WWTR1: variants seen among roughly 807,000 people sequenced by gnomAD.
WWTR1 encodes WW domain-containing transcription regulator protein 1.
WWTR1 carries 13 observed loss-of-function variants against 40.1 expected under a neutral mutation model. The ratio of observed to expected loss-of-function variants is 0.32; its 90% CI spans 0.21 to 0.52. The LOEUF (loss-of-function observed/expected upper bound fraction) is 0.52. WWTR1 is among the 20% of genes least tolerant of loss of function. The pLI is 0.97. For missense variants in WWTR1, 436 were observed against 523.1 expected, an observed-to-expected ratio of 0.83 and a Z score of 1.63; for synonymous variants, 230 against 210.1, an observed-to-expected ratio of 1.09 and a Z score of -0.82.
chr3:149,549,159 A>G (rs1013322549), intron 3 of WWTR1, among the ~76,000 whole-genome samples: 6 of 152,232 alleles, frequency 3.9e-5, no homozygotes, highest in African/African-American at 1.4e-4. Context: ...GGGAGGCAAC[A>G]TAACTGCAAA....
intron 2 of WWTR1, among the ~76,000 whole-genome samples, chr3:149,652,447 C>A (rs1712935754): frequency 6.7e-6 from 1 of 150,092 alleles, no homozygotes; most frequent in African/African-American, 2.4e-5. Context: ...CATAGGAAAC[C>A]CTGTCTCTAC....
chr3:149,632,569 T>C (rs1023693758), intron 2 of WWTR1, among the ~76,000 whole-genome samples: 7 of 152,238 alleles, frequency 4.6e-5, no homozygotes, highest in African/African-American at 1.4e-4. Flanking sequence ...GAAACTGCTG[T>C]TGGCAACTGT....
chr3:149,581,955 C>G (rs1462779345), intron 2 of WWTR1, among the ~76,000 whole-genome samples: 1 of 152,014 alleles, frequency 6.6e-6, no homozygotes, highest in Non-Finnish European at 1.5e-5. Context: ...GCAGATGAGC[C>G]AAATCAGGAC....
chr3:149,547,383 G>A (rs1736414989), intron 3 of WWTR1, among the ~76,000 whole-genome samples: 1 of 151,938 alleles, frequency 6.6e-6, no homozygotes, highest in Non-Finnish European at 1.5e-5. Context: ...AAAATTATCT[G>A]GGCTTGTTGG....
intron 2 of WWTR1, among the ~76,000 whole-genome samples, chr3:149,668,435 C>T (rs754005932): frequency 7.9e-5 from 12 of 151,796 alleles, no homozygotes; most frequent in Non-Finnish European, 1.8e-4. Context: ...GGTGAAACCC[C>T]GTCTCTACTA....
chr3:149,661,824 C>T (rs917851839), upstream of WWTR1, among the ~76,000 whole-genome samples: 1 of 151,596 alleles, frequency 6.6e-6, no homozygotes, highest in South Asian at 2.1e-4. Context: ...CCTCCACCTC[C>T]CGGGTTCAAG....
intron 5 of WWTR1, among the ~76,000 whole-genome samples, chr3:149,526,455 C>T (rs1229950266): frequency 6.6e-6 from 1 of 151,114 alleles, no homozygotes; most frequent in African/African-American, 2.4e-5. Flanking sequence ...CTTATGGATA[C>T]ATACACTAAC....
intron 4 of WWTR1, among the ~76,000 whole-genome samples, chr3:149,719,590 G>A (rs954735334): frequency 6.6e-6 from 1 of 152,166 alleles, no homozygotes; most frequent in Non-Finnish European, 1.5e-5. Flanking sequence ...GTATGAACAC[G>A]AGCATACAAA....
At chr3:149,696,659 T>C (rs16862165) in intron 1 of WWTR1, among the ~76,000 whole-genome samples, 4,138 of 152,312 alleles carry the variant, frequency 0.027, 127 homozygotes, top group East Asian at 0.13. Context: ...GGTCTTTTGC[T>C]TCTGCTTCCC....
chr3:149,654,701 C>CT (rs1339195579), intron 2 of WWTR1, among the ~76,000 whole-genome samples: 1 of 152,166 alleles, frequency 6.6e-6, no homozygotes, highest in Non-Finnish European at 1.5e-5. Flanking sequence ...GTTTCAGGGT[C>CT]TTTTTCGTCT....
At chr3:149,534,269 C>T (rs1279678634) in intron 4 of WWTR1, among the ~76,000 whole-genome samples, 1 of 152,192 alleles carries the variant, frequency 6.6e-6, no homozygotes, top group Non-Finnish European at 1.5e-5. Flanking sequence ...GATGAGGAAA[C>T]TGAGGCTCAG....
intron 2 of WWTR1, among the ~76,000 whole-genome samples, chr3:149,603,399 T>C (rs1739337886): frequency 6.6e-6 from 1 of 152,198 alleles, no homozygotes; most frequent in South Asian, 2.1e-4. Flanking sequence ...TTAATGAAGA[T>C]TTATGAAGAA....
intron 2 of WWTR1, among the ~76,000 whole-genome samples, chr3:149,577,392 G>A (rs1360986861): frequency 6.6e-6 from 1 of 152,122 alleles, no homozygotes; most frequent in Non-Finnish European, 1.5e-5. Context: ...TTCCCATGGA[G>A]AGCCCTGGTG....
chr3:149,653,233 T>G (rs1029333246), intron 2 of WWTR1, among the ~76,000 whole-genome samples: 1 of 152,234 alleles, frequency 6.6e-6, no homozygotes, highest in Non-Finnish European at 1.5e-5. Context: ...CATTTTCTGG[T>G]TTATGTATAG....
chr3:149,682,283 G>T (rs926723600), intron 1 of WWTR1, among the ~76,000 whole-genome samples: 4 of 152,100 alleles, frequency 2.6e-5, no homozygotes, highest in African/African-American at 9.7e-5. Flanking sequence ...TTAGTTTTAA[G>T]GTTAATTCCC....
At chr3:149,654,905 C>T (rs888667854) in intron 2 of WWTR1, among the ~76,000 whole-genome samples, 2 of 148,858 alleles carry the variant, frequency 1.3e-5, no homozygotes, top group South Asian at 4.3e-4. Flanking sequence ...GGGCAGATCA[C>T]GAGGTCAGGA....
intron 2 of WWTR1, among the ~76,000 whole-genome samples, chr3:149,594,360 A>AATTTAAATGGTGTAC (rs1190790718): frequency 6.6e-6 from 1 of 152,084 alleles, no homozygotes; most frequent in East Asian, 1.9e-4. Context: ...AATGGTGTAC[A>AATTTAAATGGTGTAC]ATATTTGGTT....
At chr3:149,569,307 A>G (rs1737514050) in intron 3 of WWTR1, among the ~76,000 whole-genome samples, 1 of 152,246 alleles carries the variant, frequency 6.6e-6, no homozygotes, top group Non-Finnish European at 1.5e-5. Flanking sequence ...AAAATATAAA[A>G]TATTTTTTGC....
intron 1 of WWTR1, among the ~76,000 whole-genome samples, chr3:149,693,232 T>C (rs532301124): frequency 2.6e-5 from 4 of 152,044 alleles, no homozygotes; most frequent in Non-Finnish European, 5.9e-5. Flanking sequence ...CCATGTACAA[T>C]AACTATAAAT....
Sources: gnomAD v4.1 joint callset for allele counts (sites outside exome capture counted in the v4.1 genomes callset) on GRCh38, gnomAD v4.1.1 for gene constraint, MANE v1.5 for transcripts, NCBI Gene and HGNC (gene_info 2026-07-23, HGNC 2026-07-21) for gene names.